SLC47A1: variants seen among roughly 807,000 people sequenced by gnomAD.
SLC47A1 encodes solute carrier family 47 member 1, also known as multidrug and toxin extrusion protein 1.
SLC47A1 carries 58 observed loss-of-function variants against 65.8 expected under a neutral mutation model. The observed-to-expected ratio is 0.88, with a 90% CI of 0.71 to 1.10. The LOEUF (loss-of-function observed/expected upper bound fraction) is 1.10, where lower values mean the gene tolerates loss of function less well. Ranked by LOEUF, SLC47A1 falls within the 50% of genes least tolerant of loss-of-function variation. SLC47A1 has a pLI of 0.00. For synonymous variants in SLC47A1, 285 were observed against 295.0 expected (o/e 0.97, Z 0.35); for missense variants, 706 against 719.2 (o/e 0.98, Z 0.21).
chr17:19,534,025 C>T lies in SLC47A1; in HGVS notation c.86C>T (p.Ser29Phe), dbSNP rs1301627633. ...EVRGSRCLRL[S>F]AFREELRALL... ...CGTGGGTCGCGCTGCTTGCGGCTGTCCGCCTTCCGAGAAGAGCTGCGGGCG... is the reference window on the plus strand; with the variant it reads ...CGTGGGTCGCGCTGCTTGCGGCTGTTCGCCTTCCGAGAAGAGCTGCGGGCG... Residue 29 changes from serine (S) to phenylalanine (F), a missense_variant, in exon 1 of 17, where the codon TCC (serine) becomes TTC (phenylalanine). Transcript: ENST00000270570. 2 of 1,547,446 alleles carry T rather than the reference C, an allele frequency of 1.3e-6. No individual in the cohort carries two copies. The highest frequency in any genetic ancestry group is 1.4e-5 in the African/African-American group (1 of 72,250).
chr17:19,556,850 C>T (rs914200888), intron 10 of SLC47A1, among the ~76,000 whole-genome samples: 2 of 152,302 alleles, frequency 1.3e-5, no homozygotes, highest in African/African-American at 4.8e-5. Context: ...AGCCACCGCG[C>T]CTGACTTGTT....
At chr17:19,570,480 A>G (rs1198282725) in intron 14 of SLC47A1, among the ~76,000 whole-genome samples, 1 of 152,172 alleles carries the variant, frequency 6.6e-6, no homozygotes, top group Non-Finnish European at 1.5e-5. Flanking sequence ...TGGGCCTCCC[A>G]TGTGATTGGT....
chr17:19,552,736 AG>A (rs1916487086), intron 6 of SLC47A1, among the ~76,000 whole-genome samples: 1 of 152,170 alleles, frequency 6.6e-6, no homozygotes, highest in African/African-American at 2.4e-5. Context: ...GAAGGAAGGC[AG>A]GGGATCCTAG....
rs369756463 is a variant in SLC47A1 at position 19,556,849 on chromosome 17, G to A, written c.921+787G>A. On this transcript the variant is annotated intron_variant, in intron 10 of 16. Coordinates refer to ENST00000270570, the MANE Select transcript of SLC47A1 (RefSeq NM_018242.3). The stretch of plus-strand genomic sequence containing the variant: ...TGGGATTACAGGCGTGAGCCACCGC[G>A]CCTGACTTGTTAACTGTGTTCACAG... 2.0e-3 allele frequency among the ~76,000 whole-genome samples: 310 copies of A among 152,278 alleles called. 12 individuals are homozygous for A. The South Asian group carries it at 0.061, about 30-fold the overall frequency.
At chr17:19,563,326 G>A (rs1382154109) in intron 12 of SLC47A1, among the ~76,000 whole-genome samples, 2 of 151,650 alleles carry the variant, frequency 1.3e-5, no homozygotes, top group East Asian at 1.9e-4. Flanking sequence ...TAGAGATGGG[G>A]TTTCACCGTG....
At chr17:19,564,893 A>G (rs2084344245) in intron 12 of SLC47A1, among the ~76,000 whole-genome samples, 1 of 151,916 alleles carries the variant, frequency 6.6e-6, no homozygotes, top group African/African-American at 2.4e-5. Flanking sequence ...CTAATTTTGT[A>G]TTTTTAGAAG....
chr17:19,565,733 A>C (rs924662375), intron 12 of SLC47A1, among the ~76,000 whole-genome samples: 4 of 151,844 alleles, frequency 2.6e-5, no homozygotes, highest in Non-Finnish European at 5.9e-5. Flanking sequence ...GGCGCCCGCC[A>C]CCACGCCCGG....
chr17:19,534,366 G>T (rs890080131), intron 1 of SLC47A1: 1 of 356,474 alleles, frequency 2.8e-6, no homozygotes, highest in Non-Finnish European at 5.1e-6. Context: ...AGCCTCCTGC[G>T]CCAGGAGACA....
chr17:19,572,940 T>G lies in SLC47A1; in HGVS notation c.1486+79T>G, dbSNP rs573688600. On this transcript the variant is annotated intron_variant, in intron 16 of 16. Transcript: ENST00000270570. ...GGGCTGTTAGTGAGACACAGCTAGA[T>G]TTGCTGCTATGAGCTCTCATTTAAA... is the stretch of plus-strand genomic sequence containing the variant. 54 of 1,209,826 alleles carry G rather than the reference T, an allele frequency of 4.5e-5. 1 individual carries two copies. In the East Asian group the frequency reaches 1.1e-3, roughly 25 times the overall value. 74.9% of individuals were successfully genotyped at this position (1,209,826 alleles called of 1,614,324 possible).
chr17:19,572,606 G>A (rs2084409042), intron 15 of SLC47A1, among the ~76,000 whole-genome samples, 174 bp from the exon 16 acceptor site: 2 of 152,122 alleles, frequency 1.3e-5, no homozygotes, highest in African/African-American at 4.8e-5. Flanking sequence ...ACAGGTGTGA[G>A]CACTGAGCCT....
intron 12 of SLC47A1, among the ~76,000 whole-genome samples, chr17:19,561,639 T>A (rs1217978810): frequency 1.5e-5 from 2 of 133,992 alleles, no homozygotes; most frequent in South Asian, 2.4e-4. Flanking sequence ...CAAGACTCTG[T>A]CTCAAAAAAA....
Position 19,571,533 on chromosome 17 carries a change from C to T in SLC47A1, c.1365C>T (p.Gly455=). 6.2e-7 allele frequency: 1 copy of T among 1,614,030 alleles called. No individual in the cohort carries two copies. Among genetic ancestry groups the T allele is most frequent in the Non-Finnish European group, 8.5e-7 (1 of 1,179,986 alleles). ...CTVFQAVCFL[G]FIIQLNWKKA... ...TCTTTCAAGCTGTGTGTTTTCTAGG[C>T]TTTATTATTCAGCTAAATTGGAAAA... Residue 455 remains glycine, a synonymous_variant, in exon 15 of 17, where the codon GGC becomes GGT. Transcript: ENST00000270570.
chr17:19,571,842 A>T (rs761268243), intron 15 of SLC47A1, among the ~76,000 whole-genome samples: 1 of 152,188 alleles, frequency 6.6e-6, no homozygotes, highest in Non-Finnish European at 1.5e-5. Context: ...ATCCAATTTC[A>T]GGACAAGAAT....
chr17:19,564,801 A>G (rs1388300009), intron 12 of SLC47A1, among the ~76,000 whole-genome samples: 1 of 151,960 alleles, frequency 6.6e-6, no homozygotes, highest in Non-Finnish European at 1.5e-5. Context: ...GCTCATCGCA[A>G]TCTCCGCCTC....
chr17:19,536,280 T>TAATAAC (rs1373233153), intron 1 of SLC47A1, among the ~76,000 whole-genome samples: 2 of 151,340 alleles, frequency 1.3e-5, no homozygotes, highest in African/African-American at 2.4e-5. Context: ...ATAATAATAA[T>TAATAAC]AACAGGGCAG....
chr17:19,553,122 T>C (rs1916500219), intron 6 of SLC47A1, among the ~76,000 whole-genome samples: 1 of 151,958 alleles, frequency 6.6e-6, no homozygotes, highest in Non-Finnish European at 1.5e-5. Context: ...AGGGCAACCA[T>C]TAGCTGAGTG....
intron 14 of SLC47A1, among the ~76,000 whole-genome samples, chr17:19,568,956 C>G (rs561263265): frequency 9.9e-5 from 15 of 152,086 alleles, no homozygotes; most frequent in South Asian, 4.2e-4. Flanking sequence ...AACTCCTTGA[C>G]TCAAGTGATC....
chr17:19,546,579 C>G, intron 3 of SLC47A1, 76 bp downstream of exon 3: 1 of 1,416,758 alleles, frequency 7.1e-7, no homozygotes, highest in Non-Finnish European at 9.8e-7. Flanking sequence ...GCTCCACTGG[C>G]AGGAAGAGTT....
At chr17:19,547,213 A>G (rs1260971667) in intron 3 of SLC47A1, among the ~76,000 whole-genome samples, 1 of 152,076 alleles carries the variant, frequency 6.6e-6, no homozygotes, top group African/African-American at 2.4e-5. Flanking sequence ...CACTACACCC[A>G]GCTAATTTTT....
Sources: gnomAD v4.1 joint callset for allele counts (sites outside exome capture counted in the v4.1 genomes callset) on GRCh38, gnomAD v4.1.1 for gene constraint, MANE v1.5 for transcripts, NCBI Gene and HGNC (gene_info 2026-07-23, HGNC 2026-07-21) for gene names.